KIF5C: variants seen among roughly 807,000 people sequenced by gnomAD.
KIF5C encodes the protein kinesin heavy chain isoform 5C.
A neutral mutation model predicts 125.2 loss-of-function variants in KIF5C; 18 were observed. That is an observed-to-expected ratio of 0.14 (90% CI 0.10 to 0.21). The LOEUF is 0.21. KIF5C is among the 10% of genes least tolerant of loss of function. KIF5C has a pLI of 1.00. For missense variants in KIF5C, 780 were observed against 1,183.8 expected (o/e 0.66, Z 5.01); for synonymous variants, 405 against 434.0 (o/e 0.93, Z 0.83).
intron 1 of KIF5C, among the ~76,000 whole-genome samples, chr2:148,917,950 C>T (rs567363793): frequency 4.6e-5 from 7 of 152,206 alleles, no homozygotes; most frequent in Non-Finnish European, 7.3e-5. Context: ...TGCCCATCTT[C>T]AAAACGTTTA....
rs373357969 is a variant in KIF5C, at chr2:148,877,917, A to G, written c.126+2174A>G. 34 of 152,356 alleles carry G rather than the reference A, an allele frequency of 2.2e-4. No individual in the cohort carries two copies. The East Asian group carries it at 4.6e-3, about 21-fold the overall frequency. The allele number at this position is 152,356 out of a possible 1,614,324, so 9.4% of individuals were successfully genotyped here. On this transcript the variant is annotated intron_variant, in intron 1 of 25. Coordinates refer to ENST00000435030, the MANE Select transcript of KIF5C (RefSeq NM_004522.3). ...TATATATTTCCTTATCTAAATAAAC[A>G]TATATTAGTGGCTAAACAAATTAAA...
At chr2:148,968,071 C>T (rs1340847912) in intron 11 of KIF5C, among the ~76,000 whole-genome samples, 7 of 152,136 alleles carry the variant, frequency 4.6e-5, no homozygotes, top group Admixed American at 4.6e-4. Context: ...TAATTTTTTA[C>T]AGTGATTTAA....
chr2:148,889,814 C>G (rs1015408328), intron 1 of KIF5C, among the ~76,000 whole-genome samples: 6 of 152,186 alleles, frequency 3.9e-5, no homozygotes, highest in African/African-American at 1.4e-4. Context: ...ACATCATCCT[C>G]TGGGCATCAC....
intron 2 of KIF5C, among the ~76,000 whole-genome samples, chr2:148,928,838 C>G (rs1305535062): frequency 6.6e-6 from 1 of 152,160 alleles, no homozygotes; most frequent in Non-Finnish European, 1.5e-5. Flanking sequence ...AAGGAGCTAG[C>G]CTGGGCCAGC....
Position 148,950,427 on chromosome 2 carries a change from G to C in KIF5C, c.933G>C (p.Glu311Asp). Reference sequence around the variant, plus strand: ...GCTGTTCTCCTTCTGTCTTCAATGAGGCTGAGACCAAGTCCACACTGATGT... The same window carrying C: ...GCTGTTCTCCTTCTGTCTTCAATGACGCTGAGACCAAGTCCACACTGATGT... ...VICCSPSVFNEAETKSTLMFG... is the reference protein window; with the variant it reads ...VICCSPSVFNDAETKSTLMFG... Residue 311 changes from glutamate to aspartate, a missense_variant, in exon 10 of 26, where the codon GAG becomes GAC. Physicochemically the swap from Glu to Asp is conservative, Grantham distance 45. Around this residue, in one of 2 missense-constraint regions of KIF5C, gnomAD observed 207 missense variants for 441.2 expected, o/e 0.47. Coordinates refer to ENST00000435030, the MANE Select transcript of KIF5C (RefSeq NM_004522.3). The C allele has an allele frequency of 6.2e-7, 1 of 1,613,908 alleles. No homozygotes were observed. Among genetic ancestry groups the C allele is most frequent in the Non-Finnish European group, 8.5e-7 (1 of 1,179,856 alleles).
At chr2:149,005,994 A>T (rs913798465) in intron 22 of KIF5C, among the ~76,000 whole-genome samples, 1 of 152,186 alleles carries the variant, frequency 6.6e-6, no homozygotes, top group Admixed American at 6.5e-5. Flanking sequence ...AACTTACCCA[A>T]TATTGCACTG....
chr2:148,950,539 T>A (rs576487150), intron 10 of KIF5C, 77 bp downstream of exon 10: 7 of 1,514,220 alleles, frequency 4.6e-6, no homozygotes. Flanking sequence ...CTGGGTGCAA[T>A]GGCTCACACC....
chr2:148,880,295 A>G (rs1681309913), intron 1 of KIF5C, among the ~76,000 whole-genome samples: 1 of 152,000 alleles, frequency 6.6e-6, no homozygotes, highest in Admixed American at 6.5e-5. Context: ...TAATTTTTGT[A>G]TTTTTAGTAG....
At chr2:148,896,450 T>A (rs533295427) in intron 1 of KIF5C, among the ~76,000 whole-genome samples, 2 of 152,276 alleles carry the variant, frequency 1.3e-5, no homozygotes, top group Non-Finnish European at 2.9e-5. Flanking sequence ...GATGGCTACA[T>A]GAAAAGAATT....
Position 149,023,200 on chromosome 2 carries a change from C to T in KIF5C, c.*130C>T, listed in dbSNP as rs1682587734. The T allele has an allele frequency of 6.6e-6, 1 of 152,054 alleles. No individual in the cohort carries two copies. Among genetic ancestry groups the T allele is most frequent in the South Asian group, 2.1e-4 (1 of 4,824 alleles). The allele number at this position is 152,054 out of a possible 1,614,324, so 9.4% of individuals were successfully genotyped here. On this transcript the variant is annotated 3_prime_UTR_variant, in exon 26 of 26. Transcript: ENST00000435030. ...CCAGCCATCTGCAGTACACCAGTTT[C>T]AGGTCTTTTGAGCTGTGTAGAGTTT...
At chr2:149,017,269 G>A (rs549362592) in intron 25 of KIF5C, among the ~76,000 whole-genome samples, 2 of 152,300 alleles carry the variant, frequency 1.3e-5, no homozygotes, top group African/African-American at 2.4e-5. Flanking sequence ...AAGCACAGCT[G>A]TGGGTGGGCG....
intron 19 of KIF5C, among the ~76,000 whole-genome samples, chr2:148,999,136 C>T (rs540902702): frequency 6.6e-6 from 1 of 152,328 alleles, no homozygotes; most frequent in East Asian, 1.9e-4. Flanking sequence ...CCTGCCTTGT[C>T]GCAGCCTCTG....
At chr2:149,018,783 A>G (rs1682445553) in intron 25 of KIF5C, among the ~76,000 whole-genome samples, 1 of 152,124 alleles carries the variant, frequency 6.6e-6, no homozygotes, top group South Asian at 2.1e-4. Flanking sequence ...GTGGTGAGCC[A>G]TGTTTGTGTC....
rs777472538 is a variant in KIF5C at position 149,011,544 on chromosome 2, CTCT to C, written c.2768-21_2768-19del. On this transcript the variant is annotated intron_variant, in intron 24 of 25. Transcript: ENST00000435030. ...TAAGACTTTTCTAAATGTCTGTTCT[CTCT>C]TCTTTCTGTTGGTTGGATACAGCCA... 30 of 1,613,360 alleles carry C rather than the reference CTCT, an allele frequency of 1.9e-5. 1 individual carries two copies. In the South Asian group the frequency reaches 2.6e-4, roughly 14 times the overall value.
chr2:148,984,294 C>G (rs1208877627), intron 15 of KIF5C, among the ~76,000 whole-genome samples: 1 of 152,220 alleles, frequency 6.6e-6, no homozygotes, highest in East Asian at 1.9e-4. Context: ...CTTATTGGAA[C>G]TACAGCCTTT....
At chr2:148,891,415 A>T (rs1681704560) in intron 1 of KIF5C, among the ~76,000 whole-genome samples, 1 of 151,116 alleles carries the variant, frequency 6.6e-6, no homozygotes, top group South Asian at 2.1e-4. Context: ...TTTTTTTCCT[A>T]TTCACGTCAC....
At position 148,997,129 on chromosome 2, in the gene KIF5C, CCATGGTTGTAATTG is replaced by C. The variant is rs1314711736; in HGVS notation, c.2024-133_2024-120del. 8.7e-5 allele frequency: 121 copies of C among 1,388,926 alleles called. 1 individual carries two copies. The African/African-American group carries it at 1.7e-3, about 19-fold the overall frequency. 86.0% of individuals were successfully genotyped at this position (1,388,926 alleles called of 1,614,324 possible). ...AGAAGTCCTTGCCTGTTCCTTTATG[CCATGGTTGTAATTG>C]CTGATATAAGCTGATGTTTCACTCT... On this transcript the variant is annotated intron_variant, in intron 17 of 25. Coordinates refer to ENST00000435030, the MANE Select transcript of KIF5C (RefSeq NM_004522.3).
chr2:148,886,087 A>G (rs1681517069), intron 1 of KIF5C: 1 of 152,220 alleles, frequency 6.6e-6, no homozygotes, highest in Non-Finnish European at 1.5e-5. Flanking sequence ...TCGATATTAG[A>G]AACTTTGGAT....
At chr2:148,959,131 G>C (rs1682867288) in intron 10 of KIF5C, among the ~76,000 whole-genome samples, 1 of 152,164 alleles carries the variant, frequency 6.6e-6, no homozygotes. Context: ...GAGGAATAAA[G>C]TTCCACTTCC....
Sources: gnomAD v4.1 joint callset for allele counts (sites outside exome capture counted in the v4.1 genomes callset) on GRCh38, gnomAD v4.1.1 for gene constraint, gnomAD v4.1.1 regional missense constraint, MANE v1.5 for transcripts, NCBI Gene and HGNC (gene_info 2026-07-23, HGNC 2026-07-21) for gene names.